CELF4: variants seen among roughly 807,000 people sequenced by gnomAD.
The protein encoded by CELF4 is CUGBP Elav-like family member 4, also known as CUG-BP- and ETR-3-like factor 4.
CELF4 carries 18 observed loss-of-function variants against 59.9 expected under a neutral mutation model. The observed-to-expected ratio is 0.30, with a 90% CI of 0.21 to 0.45. The LOEUF (loss-of-function observed/expected upper bound fraction) is 0.45, where lower values mean the gene tolerates loss of function less well. Ranked by LOEUF, CELF4 falls within the 20% of genes least tolerant of loss-of-function variation. The probability of loss-of-function intolerance (pLI) is 1.00; values close to 1 mark genes in which losing one functional copy is unlikely to be tolerated. For synonymous variants in CELF4, 261 were observed against 267.1 expected (o/e 0.98, Z 0.22); for missense variants, 456 against 689.0 (o/e 0.66, Z 3.79).
intron 2 of CELF4, among the ~76,000 whole-genome samples, chr18:37,418,409 G>A (rs12606267): frequency 6.6e-6 from 1 of 152,128 alleles, no homozygotes; most frequent in Non-Finnish European, 1.5e-5. Context: ...TCTCTTCTCA[G>A]GACCACCTGC....
intron 3 of CELF4, among the ~76,000 whole-genome samples, chr18:37,276,859 C>T (rs2093383080): frequency 6.6e-6 from 1 of 152,214 alleles, no homozygotes. Context: ...ACATGATTGA[C>T]ACACAGCCAA....
At chr18:37,273,550 C>A (rs2092304401) in intron 6 of CELF4, 1 of 1,000,726 alleles carries the variant, frequency 1.0e-6, no homozygotes, top group African/African-American at 1.7e-5. Context: ...AGGTTTCTGT[C>A]CAGAATGGTT....
At chr18:37,391,863 T>A (rs925750179) in intron 2 of CELF4, among the ~76,000 whole-genome samples, 23 of 152,324 alleles carry the variant, frequency 1.5e-4, no homozygotes, top group Middle Eastern at 3.4e-3. Flanking sequence ...GTGAGTGTGC[T>A]CTGCGCAGAC....
intron 2 of CELF4, among the ~76,000 whole-genome samples, chr18:37,322,849 G>T (rs898711415): frequency 1.3e-5 from 2 of 152,210 alleles, no homozygotes; most frequent in Non-Finnish European, 2.9e-5. Flanking sequence ...ACTCAGAGAG[G>T]TAGTGGGGCA....
intron 2 of CELF4, among the ~76,000 whole-genome samples, chr18:37,461,936 G>T (rs938277195): frequency 6.6e-6 from 1 of 152,222 alleles, no homozygotes; most frequent in African/African-American, 2.4e-5. Flanking sequence ...AGAAGGACAA[G>T]GCATGATTGG....
At chr18:37,361,655 A>G (rs2098704626) in intron 2 of CELF4, among the ~76,000 whole-genome samples, 2 of 151,804 alleles carry the variant, frequency 1.3e-5, no homozygotes, top group African/African-American at 2.4e-5. Flanking sequence ...GGGGAAGCGG[A>G]CTAGCCCTGC....
At chr18:37,489,671 T>G (rs1465091139) in intron 1 of CELF4, among the ~76,000 whole-genome samples, 2 of 152,218 alleles carry the variant, frequency 1.3e-5, no homozygotes, top group African/African-American at 4.8e-5. Flanking sequence ...CACTCTCCTA[T>G]GTTGTACTGA....
At chr18:37,315,739 A>G (rs1245080752) in intron 3 of CELF4, among the ~76,000 whole-genome samples, 2 of 152,134 alleles carry the variant, frequency 1.3e-5, no homozygotes, top group Non-Finnish European at 2.9e-5. Context: ...CCAGGGACAC[A>G]GGGGAGATAG....
intron 2 of CELF4, among the ~76,000 whole-genome samples, chr18:37,380,010 C>T (rs770190265): frequency 2.6e-5 from 4 of 152,272 alleles, no homozygotes; most frequent in Admixed American, 2.0e-4. Flanking sequence ...CAGGACCAGA[C>T]CTTCTGTCCA....
intron 2 of CELF4, among the ~76,000 whole-genome samples, chr18:37,375,495 T>C (rs1240838278): frequency 1.3e-5 from 2 of 152,098 alleles, no homozygotes; most frequent in African/African-American, 2.4e-5. Context: ...AAAGTCAGCT[T>C]TTCCTGACCT....
At chr18:37,489,557 C>A (rs2099893264) in intron 1 of CELF4, among the ~76,000 whole-genome samples, 2 of 151,888 alleles carry the variant, frequency 1.3e-5, no homozygotes, top group South Asian at 4.2e-4. Context: ...TTCCACATCT[C>A]ACAGGGGTTG....
intron 2 of CELF4, among the ~76,000 whole-genome samples, chr18:37,364,610 G>A (rs909903986): frequency 6.6e-6 from 1 of 152,228 alleles, no homozygotes; most frequent in Admixed American, 6.5e-5. Context: ...ACTCAGCAGT[G>A]CATACTATCC....
rs567100016 is a variant in CELF4, at chr18:37,438,432, G to A, written c.369+47093C>T. On this transcript the variant is annotated intron_variant, in intron 2 of 12. Transcript: ENST00000420428. ...GGATGCTGACAGAGTAGATAGAGTA[G>A]ATACAGTTTAAGCAGCTGTCCTGAC... 6.6e-5 allele frequency among the ~76,000 whole-genome samples: 10 copies of A among 152,286 alleles called. No individual in the cohort carries two copies. The South Asian group carries it at 1.5e-3, about 22-fold the overall frequency.
chr18:37,380,481 C>T (rs1218339253), intron 2 of CELF4, among the ~76,000 whole-genome samples: 1 of 152,206 alleles, frequency 6.6e-6, no homozygotes, highest in African/African-American at 2.4e-5. Flanking sequence ...ATCAGTCATT[C>T]TTCCACCTAG....
At chr18:37,470,883 T>TGACAGAGAGAGAGAGA (rs1569569556) in intron 2 of CELF4, among the ~76,000 whole-genome samples, 1 of 83,530 alleles carries the variant, frequency 1.2e-5, no homozygotes, top group African/African-American at 4.5e-5. Flanking sequence ...TGTGTGTGTG[T>TGACAGAGAGAGAGAGA]GTGTGACAGA....
intron 1 of CELF4, among the ~76,000 whole-genome samples, chr18:37,551,296 C>A (rs2099983098): frequency 2.0e-5 from 3 of 152,298 alleles, no homozygotes; most frequent in Middle Eastern, 6.8e-3. Flanking sequence ...AAAGAGCCAG[C>A]CCCAAAGGCC....
intron 1 of CELF4, among the ~76,000 whole-genome samples, chr18:37,556,644 T>A (rs1022676933): frequency 6.6e-6 from 1 of 152,154 alleles, no homozygotes; most frequent in Non-Finnish European, 1.5e-5. Flanking sequence ...ATCAGCTTGG[T>A]CTACAGTGAG....
At chr18:37,555,383 G>T (rs1176276149) in intron 1 of CELF4, among the ~76,000 whole-genome samples, 1 of 152,118 alleles carries the variant, frequency 6.6e-6, no homozygotes, top group African/African-American at 2.4e-5. Flanking sequence ...GAGGGAGAGT[G>T]TTCTCACCGG....
chr18:37,392,613 C>A (rs560782177), intron 2 of CELF4, among the ~76,000 whole-genome samples: 2 of 152,350 alleles, frequency 1.3e-5, no homozygotes, highest in East Asian at 3.9e-4. Context: ...GAGATGCTAC[C>A]TAGTGCAGTA....
Sources: gnomAD v4.1 joint callset for allele counts (sites outside exome capture counted in the v4.1 genomes callset) on GRCh38, gnomAD v4.1.1 for gene constraint, MANE v1.5 for transcripts, NCBI Gene and HGNC (gene_info 2026-07-23, HGNC 2026-07-21) for gene names.